E2F7: variants seen among roughly 807,000 people sequenced by gnomAD.
E2F7 encodes the protein E2F transcription factor 7.
In E2F7, 35 loss-of-function variants were observed where a neutral mutation model predicts 81.1. The observed-to-expected ratio is 0.43, with a 90% CI of 0.33 to 0.57. E2F7 has a LOEUF of 0.57. Among genes scored for constraint, E2F7 ranks in the 20% least tolerant of loss-of-function variants. The pLI is 0.04. For missense variants in E2F7, 961 were observed against 1,093.7 expected, an observed-to-expected ratio of 0.88 and a Z score of 1.71; for synonymous variants, 416 against 416.2, an observed-to-expected ratio of 1.00 and a Z score of 0.01.
chr12:77,044,641 A>C lies in E2F7; in HGVS notation c.984T>G (p.Phe328Leu). 1 of 1,613,738 alleles carries C rather than the reference A, an allele frequency of 6.2e-7. No individual in the cohort carries two copies. The highest frequency in any genetic ancestry group is 8.5e-7 in the Non-Finnish European group (1 of 1,179,920). The change falls in exon 6 of 13, where the codon TTT becomes TTG. Residue 328 changes from phenylalanine (F) to leucine (L), a missense_variant. Phe to Leu is a conservative substitution (Grantham distance 22). Around this residue, in one of 3 missense-constraint regions of E2F7, gnomAD observed 301 missense variants for 405.0 expected, o/e 0.74. Transcript: ENST00000322886. Reference protein sequence around the residue: ...ESQDAPDHSKFKTKVRRLYDI... With the variant: ...ESQDAPDHSKLKTKVRRLYDI... ...GATGGAGGTGAAGATTCTTACTTTT[A>C]AATTTACTATGGTCTGGGGCATCTT...
intron 6 of E2F7, chr12:77,044,332 G>A: frequency 7.9e-6 from 4 of 505,768 alleles, no homozygotes; most frequent in South Asian, 4.7e-5. Context: ...ATTCTGTCTT[G>A]GATGCAGCAA....
rs147521341 is a variant in E2F7, at chr12:77,047,093, G to A, written c.539-765C>T. On this transcript the variant is annotated intron_variant, in intron 4 of 12. Transcript: ENST00000322886. ...AGAGACTCCAGTACAAGCTGATCAC[G>A]AAGCTCCGCAGCTCACTACTCACTT... 4.5e-4 allele frequency among the ~76,000 whole-genome samples: 69 copies of A among 152,204 alleles called. 1 individual carries two copies. The Middle Eastern group carries it at 0.01, about 23-fold the overall frequency.
intron 7 of E2F7, among the ~76,000 whole-genome samples, chr12:77,041,005 G>A (rs895684475): frequency 6.6e-6 from 1 of 152,188 alleles, no homozygotes; most frequent in Non-Finnish European, 1.5e-5. Flanking sequence ...GATGTTATCA[G>A]TAATGAAACT....
intron 2 of E2F7, among the ~76,000 whole-genome samples, chr12:77,061,617 A>T (rs1445239531): frequency 2.0e-5 from 3 of 152,224 alleles, no homozygotes; most frequent in Non-Finnish European, 4.4e-5. Flanking sequence ...TATGTTTTAA[A>T]GAAAAGTTTC....
At chr12:77,063,588 T>C (rs970412645) in intron 2 of E2F7, among the ~76,000 whole-genome samples, 9 of 152,172 alleles carry the variant, frequency 5.9e-5, no homozygotes, top group African/African-American at 2.2e-4. Context: ...TTGGAACACA[T>C]TCCCTGTGGA....
Position 77,044,706 on chromosome 12 carries a change from T to G in E2F7, c.919A>C (p.Thr307Pro). ...AGTATTTTGGCAGCCACATCCAGAG[T>G]GACAATCTTGGTTTTGGAGACGAGG... ...LFLVSKTKIV[T>P]LDVAAKILIE... The change falls in exon 6 of 13, where the codon ACT (threonine) becomes CCT (proline). Residue 307 changes from threonine to proline, a missense_variant. Thr to Pro is a conservative substitution (Grantham distance 38). Coordinates refer to ENST00000322886, the MANE Select transcript of E2F7 (RefSeq NM_203394.3). The G allele has an allele frequency of 6.2e-7, 1 of 1,614,078 alleles. No individual in the cohort carries two copies. Among genetic ancestry groups the G allele is most frequent in the Non-Finnish European group, 8.5e-7 (1 of 1,179,994 alleles).
chr12:77,036,008 G>GA (rs1425425791), intron 7 of E2F7, among the ~76,000 whole-genome samples: 1 of 12,058 alleles, frequency 8.3e-5, no homozygotes, highest in Non-Finnish European at 2.2e-4. Context: ...AATGAAACGA[G>GA]AAAAAAGACA....
intron 2 of E2F7, among the ~76,000 whole-genome samples, chr12:77,064,221 C>A (rs879302657): frequency 6.6e-6 from 1 of 152,182 alleles, no homozygotes; most frequent in Non-Finnish European, 1.5e-5. Context: ...TGAGGCTTAG[C>A]ATTCCTACAG....
intron 9 of E2F7, among the ~76,000 whole-genome samples, chr12:77,032,402 T>C (rs574617389): frequency 6.6e-6 from 1 of 152,364 alleles, no homozygotes; most frequent in African/African-American, 2.4e-5. Context: ...GGCCCTGCCT[T>C]GTAATCTGCT....
intron 4 of E2F7, 80 bp downstream of exon 4, chr12:77,050,496 T>G (rs1954977488): frequency 6.7e-7 from 1 of 1,502,336 alleles, no homozygotes; most frequent in Non-Finnish European, 9.1e-7. Context: ...CCACTCTACT[T>G]CAAGCCTTCA....
intron 9 of E2F7, among the ~76,000 whole-genome samples, chr12:77,031,821 C>A (rs764714758): frequency 6.6e-6 from 1 of 152,162 alleles, no homozygotes; most frequent in Non-Finnish European, 1.5e-5. Context: ...GTACCCTGGG[C>A]CGCAGAGATG....
chr12:77,036,890 C>T (rs546255331), intron 7 of E2F7, among the ~76,000 whole-genome samples: 49 of 152,148 alleles, frequency 3.2e-4, no homozygotes, highest in African/African-American at 9.6e-4. Context: ...TACAGGCGCC[C>T]GCCACCACGC....
chr12:77,028,490 C>CA (rs1214247222), intron 10 of E2F7, among the ~76,000 whole-genome samples: 1 of 141,630 alleles, frequency 7.1e-6, no homozygotes, highest in Non-Finnish European at 1.5e-5. Flanking sequence ...TTTTTTGAGA[C>CA]AGAGTCTCGC....
intron 7 of E2F7, among the ~76,000 whole-genome samples, chr12:77,042,047 C>T (rs1386654129): frequency 6.6e-6 from 1 of 152,116 alleles, no homozygotes; most frequent in Admixed American, 6.5e-5. Context: ...ACATTTGAGC[C>T]AGATCTTGAA....
intron 2 of E2F7, among the ~76,000 whole-genome samples, chr12:77,060,357 C>T (rs1308598673): frequency 1.3e-5 from 2 of 152,122 alleles, no homozygotes; most frequent in African/African-American, 4.8e-5. Flanking sequence ...CTGTGAAGTG[C>T]TATACAAATG....
At chr12:77,030,441 G>T in intron 9 of E2F7, 109 bp from the exon 10 acceptor site, 1 of 1,378,474 alleles carries the variant, frequency 7.3e-7, no homozygotes. Context: ...TACTCCTCAG[G>T]CAGATACGAA....
chr12:77,033,097 A>C lies in E2F7; in HGVS notation c.1335T>G (p.Ile445Met). Residue 445 changes from isoleucine to methionine, a missense_variant, in exon 9 of 13, where the codon ATT becomes ATG. Ile to Met is a conservative substitution (Grantham distance 10, BLOSUM62 1). Coordinates refer to ENST00000322886, the MANE Select transcript of E2F7 (RefSeq NM_203394.3). Reference sequence around the variant, plus strand: ...GTCTATAGACAGCTGCCAGGCTTCCAATTTCTAAAGAGTAGCCACCTGATC... The same window carrying C: ...GTCTATAGACAGCTGCCAGGCTTCCCATTTCTAAAGAGTAGCCACCTGATC... ...EQGSGGYSLE[I>M]GSLAAVYRQK... 1 of 1,613,970 alleles carries C rather than the reference A, an allele frequency of 6.2e-7. No individual in the cohort carries two copies. The highest frequency in any genetic ancestry group is 8.5e-7 in the Non-Finnish European group (1 of 1,179,988).
At chr12:77,051,647 T>C (rs1954989760) in intron 3 of E2F7, among the ~76,000 whole-genome samples, 1 of 152,030 alleles carries the variant, frequency 6.6e-6, no homozygotes, top group African/African-American at 2.4e-5. Flanking sequence ...AAAAATACAA[T>C]TAAAAAAACC....
intron 11 of E2F7, among the ~76,000 whole-genome samples, chr12:77,026,750 T>C (rs994099134): frequency 2.0e-5 from 3 of 152,218 alleles, no homozygotes; most frequent in African/African-American, 7.2e-5. Context: ...ACAGATTTCT[T>C]AATATACTGT....
Sources: allele counts gnomAD v4.1 joint callset (sites outside exome capture counted in the v4.1 genomes callset), GRCh38; gene constraint gnomAD v4.1.1; regional missense constraint gnomAD v4.1.1; transcripts MANE v1.5; gene names NCBI Gene and HGNC (gene_info 2026-07-23, HGNC 2026-07-21).